Variants in HSF5 observed in about 807,000 individuals in gnomAD.
The protein encoded by HSF5 is heat shock transcription factor 5.
A neutral mutation model predicts 50.8 loss-of-function variants in HSF5; 5 were observed. The ratio of observed to expected loss-of-function variants is 0.10; its 90% CI spans 0.05 to 0.21. HSF5 has a LOEUF of 0.21. Among genes scored for constraint, HSF5 ranks in the 10% least tolerant of loss-of-function variants. The pLI is 1.00. For missense variants in HSF5, 564 were observed against 762.6 expected (o/e 0.74, Z 3.07); for synonymous variants, 307 against 307.4 (o/e 1.00, Z 0.02).
chr17:58,463,147 C>T lies in HSF5; in HGVS notation c.1177G>A (p.Val393Met), dbSNP rs1974816557. ...HSSPKLEMVK[V>M]EPVENQCPTS... ...GGGCACTGATTCTCAACAGGCTCCA[C>T]CTTTACCATCTCCAATTTAGGGGAG... The change falls in exon 4 of 6, where the codon GTG becomes ATG. Residue 393 changes from valine (V) to methionine (M), a missense_variant. Val to Met is a conservative substitution (Grantham distance 21). Transcript: ENST00000323777. 6.2e-7 allele frequency: 1 copy of T among 1,614,080 alleles called. No individual in the cohort carries two copies. Among genetic ancestry groups the T allele is most frequent in the Non-Finnish European group, 8.5e-7 (1 of 1,180,036 alleles).
intron 5 of HSF5, among the ~76,000 whole-genome samples, chr17:58,446,252 C>T (rs988171181): frequency 2.0e-5 from 3 of 151,898 alleles, no homozygotes; most frequent in African/African-American, 7.3e-5. Flanking sequence ...CAAGAAAACA[C>T]CTTCACAAGA....
In HSF5 at chr17:58,422,114, G is replaced by C. The variant is rs1974236055; in HGVS notation, c.*246C>G. On this transcript the variant is annotated 3_prime_UTR_variant, in exon 6 of 6. Transcript: ENST00000323777. ...AAGGTCAGAACTTTTCATTTAAAAG[G>C]GATCTGGGCAGCCAAAAAACGTGGC... is the stretch of plus-strand genomic sequence containing the variant. 9.4e-6 allele frequency: 4 copies of C among 424,362 alleles called. No individual in the cohort carries two copies. The South Asian group carries it at 1.3e-4, about 14-fold the overall frequency. 26.3% of individuals were successfully genotyped at this position (424,362 alleles called of 1,614,324 possible).
intron 1 of HSF5, among the ~76,000 whole-genome samples, chr17:58,487,020 G>T (rs1975192549): frequency 6.7e-6 from 1 of 148,730 alleles, no homozygotes. Flanking sequence ...CGATTCTCCT[G>T]CCTCAGTCTC....
chr17:58,437,304 C>T (rs1974439943), intron 5 of HSF5, among the ~76,000 whole-genome samples: 1 of 152,156 alleles, frequency 6.6e-6, no homozygotes, highest in Non-Finnish European at 1.5e-5. Context: ...CCTCAAAAGT[C>T]AGTTTACTAT....
intron 5 of HSF5, among the ~76,000 whole-genome samples, chr17:58,424,554 G>A (rs2143720706): frequency 6.6e-6 from 1 of 151,240 alleles, no homozygotes; most frequent in Non-Finnish European, 1.5e-5. Flanking sequence ...GGAGGTTGCA[G>A]TGAGCCAAGA....
At chr17:58,450,753 CAA>C (rs35586395) in intron 5 of HSF5, among the ~76,000 whole-genome samples, 10 of 125,224 alleles carry the variant, frequency 8.0e-5, no homozygotes, top group Admixed American at 8.3e-5. Context: ...AACTCCATCT[CAA>C]AAAAAAAAAA....
chr17:58,485,383 C>T (rs1269608579), intron 1 of HSF5, among the ~76,000 whole-genome samples: 1 of 152,132 alleles, frequency 6.6e-6, no homozygotes, highest in Non-Finnish European at 1.5e-5. Context: ...ATATCATGGA[C>T]TCTTTAAACA....
intron 5 of HSF5, among the ~76,000 whole-genome samples, chr17:58,432,831 A>G (rs1449957801): frequency 2.0e-5 from 3 of 152,214 alleles, no homozygotes; most frequent in Admixed American, 2.0e-4. Flanking sequence ...GGCAAGAGAA[A>G]GTAGTAGCTT....
intron 5 of HSF5, among the ~76,000 whole-genome samples, chr17:58,430,138 A>G (rs370649987): frequency 6.6e-6 from 1 of 152,006 alleles, no homozygotes; most frequent in Non-Finnish European, 1.5e-5. Flanking sequence ...CAGTGGCGCA[A>G]TCTGGGCTCA....
chr17:58,464,830 G>A lies in HSF5; in HGVS notation c.1021-1527C>T, dbSNP rs534546888. On this transcript the variant is annotated intron_variant, in intron 3 of 5. Transcript: ENST00000323777. Reference sequence around the variant, plus strand: ...GTACTTTTAGTAGAAACAGGGTTTCGCCATGTTGGCCAGGCTGGTCTTAAA... The same window carrying A: ...GTACTTTTAGTAGAAACAGGGTTTCACCATGTTGGCCAGGCTGGTCTTAAA... Among the ~76,000 whole-genome samples the A allele has an allele frequency of 5.5e-4, 84 of 151,914 alleles. No individual in the cohort carries two copies. The South Asian group carries it at 0.016, about 29-fold the overall frequency.
chr17:58,447,759 CT>C (rs1974579894), intron 5 of HSF5, among the ~76,000 whole-genome samples: 1 of 152,160 alleles, frequency 6.6e-6, no homozygotes, highest in African/African-American at 2.4e-5. Flanking sequence ...CTGGAAGGCC[CT>C]CTGAAGGAGG....
chr17:58,479,931 G>A lies in HSF5; in HGVS notation c.887C>T (p.Thr296Ile). The A allele has an allele frequency of 1.9e-6, 3 of 1,613,980 alleles. No individual in the cohort carries two copies. The Middle Eastern group carries it at 4.9e-4, about 266-fold the overall frequency. ...GGCTTGCGAGTACTGTGCTGAGGGT[G>A]TGTAGTTACTGTATTTTTGGGAGGA... ...VSSSQKYSNY[T>I]PSAQYSQAYY... is the part of the protein sequence containing the mutation. Residue 296 changes from threonine to isoleucine, a missense_variant, in exon 2 of 6, where the codon ACA becomes ATA. By Grantham distance (89) the Thr-to-Ile change is moderately conservative. Transcript: ENST00000323777.
At chr17:58,476,701 A>T in intron 2 of HSF5, 1 of 1,586,698 alleles carries the variant, frequency 6.3e-7, no homozygotes, top group Non-Finnish European at 8.6e-7. Context: ...AAATGTTGTT[A>T]TCCAAAAATG....
intron 5 of HSF5, among the ~76,000 whole-genome samples, chr17:58,433,311 A>G (rs1335127217): frequency 1.3e-5 from 2 of 152,194 alleles, no homozygotes; most frequent in Non-Finnish European, 2.9e-5. Context: ...CTATTTATTT[A>G]TAAGTAAATA....
intron 1 of HSF5, among the ~76,000 whole-genome samples, chr17:58,481,179 T>A (rs961194388): frequency 5.9e-5 from 9 of 152,212 alleles, no homozygotes; most frequent in Non-Finnish European, 1.3e-4. Flanking sequence ...AATCAATCAA[T>A]CATTTTCCAT....
intron 1 of HSF5, among the ~76,000 whole-genome samples, chr17:58,481,254 T>C (rs1299355642): frequency 2.0e-5 from 3 of 152,178 alleles, no homozygotes; most frequent in Non-Finnish European, 4.4e-5. Context: ...CTCTCAAACA[T>C]TGGTTTACAT....
At chr17:58,464,717 C>T (rs1974838247) in intron 3 of HSF5, among the ~76,000 whole-genome samples, 1 of 152,186 alleles carries the variant, frequency 6.6e-6, no homozygotes. Context: ...ACTGCAGCCT[C>T]CACCTCCCAG....
chr17:58,458,275 T>A (rs987366042), intron 5 of HSF5, among the ~76,000 whole-genome samples: 6 of 152,214 alleles, frequency 3.9e-5, no homozygotes, highest in Admixed American at 3.9e-4. Context: ...ACCACAAGAA[T>A]AACAAACCAT....
chr17:58,451,273 G>C (rs1419928851), intron 5 of HSF5, among the ~76,000 whole-genome samples: 1 of 152,118 alleles, frequency 6.6e-6, no homozygotes, highest in African/African-American at 2.4e-5. Flanking sequence ...TTCAGCAATG[G>C]ACAAATCATC....
Sources: gnomAD v4.1 joint callset for allele counts (sites outside exome capture counted in the v4.1 genomes callset) on GRCh38, gnomAD v4.1.1 for gene constraint, MANE v1.5 for transcripts, NCBI Gene and HGNC (gene_info 2026-07-23, HGNC 2026-07-21) for gene names.